EPC1: variants seen among roughly 807,000 people sequenced by gnomAD.
EPC1 encodes enhancer of polycomb 1, also known as enhancer of polycomb homolog 1.
Under a neutral mutation model 98.4 loss-of-function variants are expected in EPC1, and 12 were observed. The ratio of observed to expected loss-of-function variants is 0.12; its 90% confidence interval spans 0.08 to 0.20. The LOEUF is 0.20. EPC1 is among the 10% of genes least tolerant of loss of function. The pLI, the probability that EPC1 is intolerant of heterozygous loss-of-function variation, is 1.00. For synonymous variants in EPC1, 357 were observed against 363.9 expected (o/e 0.98, Z 0.21); for missense variants, 729 against 990.5 (o/e 0.74, Z 3.54).
At chr10:32,340,114 A>G (rs923175549) in intron 1 of EPC1, among the ~76,000 whole-genome samples, 5 of 152,192 alleles carry the variant, frequency 3.3e-5, no homozygotes, top group African/African-American at 4.8e-5. Context: ...TTCAACCAAA[A>G]CGATTTGCTT....
At chr10:32,356,581 G>T (rs539401015) in intron 1 of EPC1, among the ~76,000 whole-genome samples, 1 of 152,154 alleles carries the variant, frequency 6.6e-6, no homozygotes, top group Admixed American at 6.5e-5. Context: ...AAAAGAATGA[G>T]GAGGTCACAG....
chr10:32,269,293 A>T (rs1033226423), intron 13 of EPC1, 158 bp from the exon 14 acceptor site: 2 of 569,834 alleles, frequency 3.5e-6, no homozygotes, highest in African/African-American at 3.8e-5. Flanking sequence ...TTTATAGTTT[A>T]TTATCAGAAA....
intron 6 of EPC1, among the ~76,000 whole-genome samples, chr10:32,288,143 T>C (rs1436188938): frequency 6.6e-6 from 1 of 152,158 alleles, no homozygotes; most frequent in Non-Finnish European, 1.5e-5. Context: ...TTGGGAAAAC[T>C]ACGGTTTTCC....
chr10:32,297,697 G>C (rs1035894272), intron 2 of EPC1, among the ~76,000 whole-genome samples: 2 of 152,148 alleles, frequency 1.3e-5, no homozygotes, highest in African/African-American at 4.8e-5. Context: ...TACAGTATTA[G>C]TGTGATACAC....
chr10:32,328,613 A>G (rs1837446339), intron 1 of EPC1, among the ~76,000 whole-genome samples: 1 of 152,226 alleles, frequency 6.6e-6, no homozygotes, highest in Non-Finnish European at 1.5e-5. Flanking sequence ...CCTAGATATC[A>G]GTGCCAACAG....
intron 10 of EPC1, among the ~76,000 whole-genome samples, chr10:32,276,761 A>C (rs572488970): frequency 2.8e-4 from 42 of 152,338 alleles, no homozygotes; most frequent in African/African-American, 1.0e-3. Context: ...AATGGAAATA[A>C]GACAAAAATG....
At chr10:32,343,699 G>GGA (rs1554824226) in intron 1 of EPC1, among the ~76,000 whole-genome samples, 1 of 150,832 alleles carries the variant, frequency 6.6e-6, no homozygotes, top group Non-Finnish European at 1.5e-5. Flanking sequence ...TATTTTGGGG[G>GGA]GGGGGTGTAA....
rs145770758 is a variant in EPC1, at chr10:32,316,792, A to C, written c.154-10861T>G. 1.1e-4 allele frequency among the ~76,000 whole-genome samples: 16 copies of C among 152,342 alleles called. No individual in the cohort carries two copies. In the East Asian group the frequency reaches 2.9e-3, roughly 28 times the overall value. On this transcript the variant is annotated intron_variant, in intron 1 of 13. Coordinates refer to ENST00000319778, the MANE Select transcript of EPC1 (RefSeq NM_001272004.3). ...ATCCACTATTTGTGAATCTCACTGC[A>C]TGTCAATTTTGACTCAAATGAAAGC...
At chr10:32,320,476 G>A (rs183720059) in intron 1 of EPC1, among the ~76,000 whole-genome samples, 107 of 152,310 alleles carry the variant, frequency 7.0e-4, no homozygotes, top group African/African-American at 2.5e-3. Flanking sequence ...CAGAGGCAGG[G>A]ATAAGCTATG....
chr10:32,327,765 A>G (rs868579793), intron 1 of EPC1, among the ~76,000 whole-genome samples: 5 of 152,308 alleles, frequency 3.3e-5, no homozygotes, highest in Middle Eastern at 6.8e-3. Context: ...TGTAACACAA[A>G]AAAGTATTTG....
At position 32,321,440 on chromosome 10, in the gene EPC1, A is replaced by C. The variant is rs1211153871; in HGVS notation, c.154-15509T>G. ...AGCACAAACGGCACTTTACAGCCCC[A>C]AAATCCTGGACAAGTGATCCTCCTG... On this transcript the variant is annotated intron_variant, in intron 1 of 13. Coordinates refer to ENST00000319778, the MANE Select transcript of EPC1 (RefSeq NM_001272004.3). Among the ~76,000 whole-genome samples, 4 of 151,856 alleles carry C rather than the reference A, an allele frequency of 2.6e-5. No homozygotes were observed. In the East Asian group the frequency reaches 7.7e-4, roughly 29 times the overall value.
intron 10 of EPC1, among the ~76,000 whole-genome samples, chr10:32,279,565 C>T (rs1013667621): frequency 1.2e-4 from 19 of 152,144 alleles, no homozygotes; most frequent in African/African-American, 3.4e-4. Context: ...ATCTCTTATT[C>T]GTTTATAAAA....
At chr10:32,301,046 C>T (rs12262130) in intron 2 of EPC1, among the ~76,000 whole-genome samples, 1,944 of 107,058 alleles carry the variant, frequency 0.018, 42 homozygotes, top group African/African-American at 0.081. Flanking sequence ...TTATATCTAT[C>T]TATCTATCTA....
intron 10 of EPC1, among the ~76,000 whole-genome samples, chr10:32,280,506 C>T (rs368614855): frequency 3.5e-4 from 50 of 144,688 alleles, no homozygotes; most frequent in African/African-American, 1.1e-3. Flanking sequence ...ATTGGGAGGC[C>T]GAAACGGGTG....
At chr10:32,297,596 TA>T (rs1164884965) in intron 2 of EPC1, among the ~76,000 whole-genome samples, 1 of 150,588 alleles carries the variant, frequency 6.6e-6, no homozygotes, top group Non-Finnish European at 1.5e-5. Context: ...CTATAATTCT[TA>T]AATAATAACG....
At chr10:32,277,298 T>C (rs1836154170) in intron 10 of EPC1, among the ~76,000 whole-genome samples, 1 of 152,056 alleles carries the variant, frequency 6.6e-6, no homozygotes, top group African/African-American at 2.4e-5. Context: ...AAAGGAAGCA[T>C]GATAGGACTT....
chr10:32,359,960 G>C (rs530370467), intron 1 of EPC1, among the ~76,000 whole-genome samples: 17 of 151,562 alleles, frequency 1.1e-4, no homozygotes, highest in African/African-American at 3.9e-4. Flanking sequence ...CAGTAATTTT[G>C]TATCATTCGT....
chr10:32,273,380 T>C (rs1835931179), intron 10 of EPC1, 99 bp from the exon 11 acceptor site: 1 of 1,405,108 alleles, frequency 7.1e-7, no homozygotes, highest in African/African-American at 1.4e-5. Context: ...TGTGCAAAAT[T>C]GAAGCATCTG....
chr10:32,376,584 A>G (rs147334200), intron 1 of EPC1, among the ~76,000 whole-genome samples: 28 of 152,226 alleles, frequency 1.8e-4, no homozygotes, highest in African/African-American at 5.8e-4. Context: ...TATAAACAAA[A>G]TATGGGCTAA....
Sources: allele counts gnomAD v4.1 joint callset (sites outside exome capture counted in the v4.1 genomes callset), GRCh38; gene constraint gnomAD v4.1.1; transcripts MANE v1.5; gene names NCBI Gene and HGNC (gene_info 2026-07-23, HGNC 2026-07-21).